The following ADAMTSL2 variants were observed in gnomAD, a reference collection of about 807,000 sequenced individuals.
The protein encoded by ADAMTSL2 is ADAMTS like 2, also known as ADAMTS-like protein 2.
ADAMTSL2 carries 55 observed loss-of-function variants against 117.0 expected under a neutral mutation model. The ratio of observed to expected loss-of-function variants is 0.47; its 90% CI spans 0.38 to 0.59. The LOEUF is 0.59. Ranked by LOEUF, ADAMTSL2 falls within the 20% of genes least tolerant of loss-of-function variation. The pLI is 0.00. For synonymous variants in ADAMTSL2, 572 were observed against 566.4 expected (o/e 1.01, Z -0.14); for missense variants, 1,182 against 1,354.5 (o/e 0.87, Z 2.00).
rs755237513 is a variant in ADAMTSL2 at position 133,558,427 on chromosome 9, T to C, written c.1649+2497T>C. Among the ~76,000 whole-genome samples, 271 of 152,262 alleles carry C rather than the reference T, an allele frequency of 1.8e-3. No homozygotes were observed. The highest frequency in any genetic ancestry group is 3.2e-3 in the Non-Finnish European group (218 of 68,008). On this transcript the variant is annotated intron_variant, in intron 11 of 18. Transcript: ENST00000651351. The surrounding 1 kb of genome is among the most constrained non-coding windows in gnomAD (Gnocchi z 4.3). ...AGAAAGGAAAGGCTATTTTCATCTT[T>C]CCAGAAAAGCTTCAAACAATCAAGG...
chr9:133,550,823 T>A (rs11560805), intron 9 of ADAMTSL2, among the ~76,000 whole-genome samples: 128,323 of 152,070 alleles, frequency 0.84, 54,936 homozygotes, highest in Non-Finnish European at 0.92. Context: ...TGATGATGCC[T>A]GTGACTAGCC....
chr9:133,536,642 C>T lies in ADAMTSL2; in HGVS notation c.-71C>T. The T allele has an allele frequency of 6.2e-7, 1 of 1,613,988 alleles. No homozygotes were observed. The highest frequency in any genetic ancestry group is 8.5e-7 in the Non-Finnish European group (1 of 1,179,976). ...CTGGCTGGGCCCCGAGGGCTCTTCC[C>T]AAAGCGTACCCTGGTCATCTGGAAG... On this transcript the variant is annotated 5_prime_UTR_variant, in exon 2 of 19. Transcript: ENST00000651351.
Position 133,569,515 on chromosome 9 carries a change from G to A in ADAMTSL2, c.2352G>A (p.Leu784=). The A allele has an allele frequency of 6.2e-7, 1 of 1,610,478 alleles. No homozygotes were observed. ...AGTGCCAGATGGAGACCAAGCCTCTGGCCATCCACCCCTGTGGGGACAAAA... is the reference window on the plus strand; with the variant it reads ...AGTGCCAGATGGAGACCAAGCCTCTAGCCATCCACCCCTGTGGGGACAAAA... ...ESQCQMETKP[L]AIHPCGDKNC... The change falls in exon 16 of 19, where the codon CTG becomes CTA. Residue 784 remains leucine, a synonymous_variant. Transcript: ENST00000651351.
At chr9:133,574,685 G>A (rs1831186942) in intron 18 of ADAMTSL2, 61 bp from the exon 19 acceptor site, 1 of 1,466,932 alleles carries the variant, frequency 6.8e-7, no homozygotes, top group African/African-American at 1.4e-5. Context: ...GGGTCCCTGG[G>A]GTTTTCGCCC....
Position 133,537,534 on chromosome 9 carries a change from T to A in ADAMTSL2, c.220T>A (p.Cys74Ser). 7.4e-7 allele frequency: 1 copy of A among 1,351,728 alleles called. No individual in the cohort carries two copies. Among genetic ancestry groups the A allele is most frequent in the Non-Finnish European group, 9.6e-7 (1 of 1,042,680 alleles). 83.7% of individuals were successfully genotyped at this position (1,351,728 alleles called of 1,614,324 possible). A position where few individuals can be genotyped will look rare whatever the true frequency, so the allele number is the denominator to read the frequency against. Residue 74 changes from cysteine (C) to serine (S), a missense_variant, in exon 3 of 19, where the codon TGC (cysteine) becomes AGC (serine). Cys to Ser is a moderately radical substitution (Grantham distance 112). Coordinates refer to ENST00000651351, the MANE Select transcript of ADAMTSL2 (RefSeq NM_014694.4). ...GGGVTSQERH[C>S]LQQRRKSVPG... ...TGGGGTGACATCCCAGGAGCGGCAC[T>A]GCCTGCAGCAGAGGTGCGAGGTTGG...
intron 16 of ADAMTSL2, among the ~76,000 whole-genome samples, chr9:133,569,957 A>C (rs1831066301): frequency 6.6e-6 from 1 of 152,204 alleles, no homozygotes; most frequent in Non-Finnish European, 1.5e-5. Context: ...TGTCATCGTC[A>C]CCAACTTGCC....
chr9:133,551,404 C>G (rs1437705141), intron 9 of ADAMTSL2, among the ~76,000 whole-genome samples: 4 of 152,190 alleles, frequency 2.6e-5, no homozygotes, highest in Admixed American at 2.6e-4. Flanking sequence ...GTCGTACCCT[C>G]TGGCCCTGGG....
At chr9:133,541,059 T>C (rs1830211656) in intron 7 of ADAMTSL2, 58 bp downstream of exon 7, 1 of 1,577,146 alleles carries the variant, frequency 6.3e-7, no homozygotes, top group Admixed American at 1.8e-5. Flanking sequence ...TCGGGGGTCC[T>C]GAGTGTGCTC....
At chr9:133,548,936 T>C (rs927079771) in intron 9 of ADAMTSL2, among the ~76,000 whole-genome samples, 43 of 152,170 alleles carry the variant, frequency 2.8e-4, no homozygotes, top group Non-Finnish European at 1.5e-5. Flanking sequence ...GGAGGAAGTT[T>C]AGTGGGCTGA....
Position 133,546,948 on chromosome 9 carries a change from G to A in ADAMTSL2, c.764-90G>A, listed in dbSNP as rs930596804. Reference sequence around the variant, plus strand: ...AGCATTTGAGCCGGGGTTCTGGAGGGCAGGGCTGGTGGTGGTTCCCTGAGT... The same window carrying A: ...AGCATTTGAGCCGGGGTTCTGGAGGACAGGGCTGGTGGTGGTTCCCTGAGT... On this transcript the variant is annotated intron_variant, in intron 8 of 18. Coordinates refer to ENST00000651351, the MANE Select transcript of ADAMTSL2 (RefSeq NM_014694.4). 5 of 1,336,674 alleles carry A rather than the reference G, an allele frequency of 3.7e-6. No individual in the cohort carries two copies. In the Admixed American group the frequency reaches 8.4e-5, roughly 22 times the overall value. 82.8% of individuals were successfully genotyped at this position (1,336,674 alleles called of 1,614,324 possible).
chr9:133,544,328 C>A, intron 7 of ADAMTSL2, 142 bp from the exon 8 acceptor site: 1 of 779,678 alleles, frequency 1.3e-6, no homozygotes. Flanking sequence ...CGGGGCTGAG[C>A]TGAGCTACAC....
rs147007407 is a variant in ADAMTSL2 at position 133,554,206 on chromosome 9, G to A, written c.940-151G>A. On this transcript the variant is annotated intron_variant, in intron 9 of 18. Transcript: ENST00000651351. The surrounding 1 kb of genome is among the most constrained non-coding windows in gnomAD (Gnocchi z 5.2). ...GATGCCCCTGGGGCAGGAGCACTGC[G>A]TTGGGCTGGGCTAGTCAGTGTCATT... 17,013 of 724,958 alleles carry A rather than the reference G, an allele frequency of 0.023. 278 individuals carry two copies. The highest frequency in any genetic ancestry group is 0.029 in the Non-Finnish European group (12,984 of 450,490). 44.9% of individuals were successfully genotyped at this position (724,958 alleles called of 1,614,324 possible). A position where few individuals can be genotyped will look rare whatever the true frequency, so the allele number is the denominator to read the frequency against.
In ADAMTSL2 at chr9:133,575,438, T is replaced by G. The variant is rs1180969042; in HGVS notation, c.*574T>G. The G allele has an allele frequency of 2.5e-5, 4 of 160,768 alleles. No individual in the cohort carries two copies. Among genetic ancestry groups the G allele is most frequent in the Non-Finnish European group, 5.5e-5 (4 of 72,932 alleles). The allele number at this position is 160,768 out of a possible 1,614,324, so 10.0% of individuals were successfully genotyped here. ...CAGAGGCGCTTGCCCACGGGACGTT[T>G]GGGGATGGACCTCGGCCCCCGCCCC... is the stretch of plus-strand genomic sequence containing the variant. On this transcript the variant is annotated 3_prime_UTR_variant, in exon 19 of 19. Coordinates refer to ENST00000651351, the MANE Select transcript of ADAMTSL2 (RefSeq NM_014694.4).
chr9:133,554,217 C>G lies in ADAMTSL2; in HGVS notation c.940-140C>G. 1 of 777,784 alleles carries G rather than the reference C, an allele frequency of 1.3e-6. No individual in the cohort carries two copies. The highest frequency in any genetic ancestry group is 2.0e-6 in the Non-Finnish European group (1 of 493,788). 48.2% of individuals were successfully genotyped at this position (777,784 alleles called of 1,614,324 possible). On this transcript the variant is annotated intron_variant, in intron 9 of 18. Transcript: ENST00000651351. This position sits in a 1 kb window ranked among gnomAD's most constrained non-coding sequence, Gnocchi z 5.2. The stretch of plus-strand genomic sequence containing the variant: ...GGCAGGAGCACTGCGTTGGGCTGGG[C>G]TAGTCAGTGTCATTCCCTGAGGGGG...
intron 9 of ADAMTSL2, among the ~76,000 whole-genome samples, chr9:133,549,001 T>TC (rs1304868418): frequency 2.1e-4 from 1 of 4,692 alleles, no homozygotes; most frequent in East Asian, 8.4e-4. Context: ...TCTTTTTTTT[T>TC]TTTTTTTTTT....
At chr9:133,556,445 C>T (rs1830607340) in intron 11 of ADAMTSL2, among the ~76,000 whole-genome samples, 1 of 152,166 alleles carries the variant, frequency 6.6e-6, no homozygotes, top group Non-Finnish European at 1.5e-5. Flanking sequence ...TAGGAGGAGG[C>T]GGAGCTCCAG....
chr9:133,571,462 CT>C (rs1831105165), intron 17 of ADAMTSL2, among the ~76,000 whole-genome samples: 1 of 152,126 alleles, frequency 6.6e-6, no homozygotes, highest in Non-Finnish European at 1.5e-5. Context: ...TGGGTGCCCC[CT>C]CGCCCCCAGT....
chr9:133,542,155 G>A lies in ADAMTSL2; in HGVS notation c.682+1154G>A, dbSNP rs148638016. Among the ~76,000 whole-genome samples the A allele has an allele frequency of 8.0e-4, 122 of 152,340 alleles. 1 individual carries two copies. The highest frequency in any genetic ancestry group is 2.8e-3 in the African/African-American group (117 of 41,578). ...CCTGCCACTGAGGGCTAACTGTGGCGTGAGTGTTGGCTCCAGGAGGTGCCA... is the reference window on the plus strand; with the variant it reads ...CCTGCCACTGAGGGCTAACTGTGGCATGAGTGTTGGCTCCAGGAGGTGCCA... On this transcript the variant is annotated intron_variant, in intron 7 of 18. Coordinates refer to ENST00000651351, the MANE Select transcript of ADAMTSL2 (RefSeq NM_014694.4).
At chr9:133,563,055 C>T (rs1488360803) in intron 12 of ADAMTSL2, among the ~76,000 whole-genome samples, 1 of 152,246 alleles carries the variant, frequency 6.6e-6, no homozygotes, top group Non-Finnish European at 1.5e-5. Context: ...GTTGACCACA[C>T]CATGGGCCCT....
Sources: gnomAD v4.1 joint callset for allele counts (sites outside exome capture counted in the v4.1 genomes callset) on GRCh38, gnomAD v4.1.1 for gene constraint, Gnocchi (gnomAD v3.1) non-coding constraint, MANE v1.5 for transcripts, NCBI Gene and HGNC (gene_info 2026-07-23, HGNC 2026-07-21) for gene names.